Variants in RYR3 observed in about 807,000 individuals in gnomAD.
RYR3 encodes the protein brain ryanodine receptor-calcium release channel.
RYR3 carries 207 observed loss-of-function variants against 584.3 expected under a neutral mutation model. The ratio of observed to expected loss-of-function variants is 0.35; its 90% CI spans 0.32 to 0.40. The LOEUF is 0.40. Among genes scored for constraint, RYR3 ranks in the 10% least tolerant of loss-of-function variants. RYR3 has a pLI of 1.00. For synonymous variants in RYR3, 2,416 were observed against 2,248.5 expected (o/e 1.07, Z -2.11); for missense variants, 5,616 against 6,089.2 (o/e 0.92, Z 2.59).
At chr15:33,361,519 A>G (rs1018666837) in intron 1 of RYR3, among the ~76,000 whole-genome samples, 3 of 152,200 alleles carry the variant, frequency 2.0e-5, no homozygotes, top group African/African-American at 7.2e-5. Flanking sequence ...TTAGCATTGC[A>G]CCTTTCAAAG....
intron 86 of RYR3, among the ~76,000 whole-genome samples, chr15:33,833,133 G>A (rs2077807243): frequency 6.6e-6 from 1 of 152,108 alleles, no homozygotes; most frequent in South Asian, 2.1e-4. Context: ...GATTATGCGT[G>A]GCTTTATAAG....
At position 33,788,239 on chromosome 15, in the gene RYR3, G is replaced by T; in HGVS notation, c.9611G>T (p.Ser3204Ile). ...GCAGTGTATGCACAGCCCATCATCA[G>T]CAAAGCCAGGCCCGACCTGCTGAGA... The part of the protein sequence containing the change: ...RIAVYAQPII[S>I]KARPDLLRSH... The change falls in exon 67 of 104, where the codon AGC becomes ATC. Residue 3204 changes from serine to isoleucine, a missense_variant. Physicochemically the swap from Ser to Ile is moderately radical, Grantham distance 142 (BLOSUM62 -2). Around this residue, in one of 9 missense-constraint regions of RYR3, gnomAD observed 954 missense variants for 1,132.2 expected, o/e 0.84. Coordinates refer to ENST00000634891, the MANE Select transcript of RYR3 (RefSeq NM_001036.6). The T allele has an allele frequency of 1.2e-6, 2 of 1,613,978 alleles. No homozygotes were observed. Among genetic ancestry groups the T allele is most frequent in the Non-Finnish European group, 1.7e-6 (2 of 1,179,872 alleles).
At chr15:33,543,285 T>C (rs117121459) in intron 7 of RYR3, among the ~76,000 whole-genome samples, 2 of 152,288 alleles carry the variant, frequency 1.3e-5, no homozygotes, top group East Asian at 3.9e-4. Context: ...TTATTGGGTG[T>C]ACTTACATCC....
At chr15:33,350,856 A>T (rs1044495101) in intron 1 of RYR3, among the ~76,000 whole-genome samples, 3 of 151,996 alleles carry the variant, frequency 2.0e-5, no homozygotes, top group Non-Finnish European at 2.9e-5. Context: ...AAGAACTAGA[A>T]AAGCAAGAGC....
chr15:33,733,342 C>G (rs937432802), intron 48 of RYR3, among the ~76,000 whole-genome samples: 1 of 152,124 alleles, frequency 6.6e-6, no homozygotes, highest in Non-Finnish European at 1.5e-5. Context: ...AACTTGGGAG[C>G]AATCAAGATG....
chr15:33,763,892 C>CAAAAAAAAAAAAAAAAA (rs796878162), intron 60 of RYR3, among the ~76,000 whole-genome samples: 4 of 45,872 alleles, frequency 8.7e-5, no homozygotes, highest in African/African-American at 2.7e-4. Context: ...GACTTCATCT[C>CAAAAAAAAAAAAAAAAA]AAAAAAAAAA....
chr15:33,849,968 T>C (rs548543156), intron 94 of RYR3: 3 of 152,356 alleles, frequency 2.0e-5, no homozygotes, highest in East Asian at 3.9e-4. Flanking sequence ...TGTCATTACA[T>C]TACAGAAGTC....
At chr15:33,340,107 C>G (rs891937834) in intron 1 of RYR3, among the ~76,000 whole-genome samples, 1 of 152,212 alleles carries the variant, frequency 6.6e-6, no homozygotes. Flanking sequence ...CAAGGACAAA[C>G]GCCATGTACT....
At chr15:33,466,282 C>CG (rs2048481424) in intron 1 of RYR3, among the ~76,000 whole-genome samples, 1 of 152,130 alleles carries the variant, frequency 6.6e-6, no homozygotes, top group African/African-American at 2.4e-5. Flanking sequence ...ACCAAGGAGA[C>CG]TGAGTATGAG....
At chr15:33,831,123 AAG>A in intron 86 of RYR3, 32 bp downstream of exon 86, 1 of 1,600,822 alleles carries the variant, frequency 6.2e-7, no homozygotes, top group Non-Finnish European at 8.5e-7. Flanking sequence ...GTTGAAAACA[AAG>A]AGAACATTGT....
intron 1 of RYR3, 141 bp from the exon 2 acceptor site, chr15:33,473,278 G>A (rs760422898): frequency 1.7e-5 from 16 of 953,298 alleles, no homozygotes; most frequent in Admixed American, 8.5e-5. Context: ...ATCTCCTTCC[G>A]TAATCAGGTT....
intron 12 of RYR3, among the ~76,000 whole-genome samples, chr15:33,572,656 T>TACACACAC (rs1189671888): frequency 2.4e-3 from 301 of 124,444 alleles, no homozygotes; most frequent in Middle Eastern, 9.3e-3. Flanking sequence ...AAAAACTATA[T>TACACACAC]ATACACACAC....
chr15:33,390,563 A>C lies in RYR3; in HGVS notation c.51+79467A>C, dbSNP rs2041929203. On this transcript the variant is annotated intron_variant, in intron 1 of 103. Coordinates refer to ENST00000634891, the MANE Select transcript of RYR3 (RefSeq NM_001036.6). This position sits in a 1 kb window ranked among gnomAD's most constrained non-coding sequence, Gnocchi z 4.2. ...AGGGGGTGATAGGTGTGGAGAGAAG[A>C]GTTAACAAAGCAGGCATGAGGAGGC... 1.3e-5 allele frequency among the ~76,000 whole-genome samples: 2 copies of C among 152,162 alleles called. No individual in the cohort carries two copies.
intron 67 of RYR3, among the ~76,000 whole-genome samples, chr15:33,799,676 C>G (rs949970483): frequency 6.6e-6 from 1 of 152,066 alleles, no homozygotes; most frequent in African/African-American, 2.4e-5. Flanking sequence ...ATTATTGAAC[C>G]CAATGAAGGG....
At chr15:33,545,388 A>AT (rs762533882) in intron 8 of RYR3, among the ~76,000 whole-genome samples, 5 of 152,056 alleles carry the variant, frequency 3.3e-5, no homozygotes, top group Non-Finnish European at 7.4e-5. Flanking sequence ...ATGGAGGGGG[A>AT]TTTTCACAAT....
chr15:33,323,296 G>C (rs139158624), intron 1 of RYR3, among the ~76,000 whole-genome samples: 1,996 of 151,788 alleles, frequency 0.013, 44 homozygotes, highest in African/African-American at 0.047. Context: ...TTTTAGTAGA[G>C]ACGGGGTTTC....
At chr15:33,768,317 C>T (rs939110224) in intron 60 of RYR3, among the ~76,000 whole-genome samples, 4 of 152,206 alleles carry the variant, frequency 2.6e-5, no homozygotes, top group African/African-American at 9.6e-5. Flanking sequence ...CTTCATTTAT[C>T]CCTGAATGTC....
chr15:33,369,580 ATCTG>A (rs372642829), intron 1 of RYR3, among the ~76,000 whole-genome samples: 308 of 151,656 alleles, frequency 2.0e-3, no homozygotes, highest in African/African-American at 4.6e-3. Flanking sequence ...TCATCTATCT[ATCTG>A]TCTGTCTGTC....
chr15:33,738,503 A>G lies in RYR3; in HGVS notation c.7569A>G (p.Gly2523=), dbSNP rs765540014. The G allele has an allele frequency of 1.1e-5, 18 of 1,613,870 alleles. No homozygotes were observed. The highest frequency in any genetic ancestry group is 1.4e-5 in the Non-Finnish European group (16 of 1,179,862). Residue 2523 remains glycine (G), a synonymous_variant, in exon 50 of 104, where the codon GGA becomes GGG. Coordinates refer to ENST00000634891, the MANE Select transcript of RYR3 (RefSeq NM_001036.6). Reference sequence around the variant, plus strand: ...GGAAGTATTACTGCCTGCCTTCAGGATGGGGGAGCTACGGGCTAGCTGTGG... The same window carrying G: ...GGAAGTATTACTGCCTGCCTTCAGGGTGGGGGAGCTACGGGCTAGCTGTGG... ...QCWKYYCLPS[G]WGSYGLAVEE...
Sources: allele counts gnomAD v4.1 joint callset (sites outside exome capture counted in the v4.1 genomes callset), GRCh38; gene constraint gnomAD v4.1.1; regional missense constraint gnomAD v4.1.1; non-coding constraint Gnocchi (gnomAD v3.1); transcripts MANE v1.5; gene names NCBI Gene and HGNC (gene_info 2026-07-23, HGNC 2026-07-21).